The following RBM47 variants were observed in gnomAD, a reference collection of about 807,000 sequenced individuals.
RBM47 encodes RNA binding motif protein 47.
A neutral mutation model predicts 47.1 loss-of-function variants in RBM47; 21 were observed. That is an observed-to-expected ratio of 0.45 (90% CI 0.32 to 0.64). The LOEUF (loss-of-function observed/expected upper bound fraction) is 0.64, where lower values mean the gene tolerates loss of function less well. RBM47 is among the 30% of genes least tolerant of loss of function. RBM47 has a pLI of 0.05. For synonymous variants in RBM47, 375 were observed against 361.7 expected, an observed-to-expected ratio of 1.04 and a Z score of -0.42; for missense variants, 708 against 870.9, an observed-to-expected ratio of 0.81 and a Z score of 2.35.
At chr4:40,470,174 C>G (rs1252116853) in intron 2 of RBM47, among the ~76,000 whole-genome samples, 1 of 152,208 alleles carries the variant, frequency 6.6e-6, no homozygotes, top group East Asian at 1.9e-4. Flanking sequence ...TCTGGAGAAA[C>G]GGGGTGGTTT....
At chr4:40,469,836 T>C (rs997315454) in intron 2 of RBM47, among the ~76,000 whole-genome samples, 16 of 152,124 alleles carry the variant, frequency 1.1e-4, no homozygotes, top group Non-Finnish European at 1.8e-4. Context: ...GGTTTTGCCA[T>C]GTTGGCCAGG....
At chr4:40,590,169 T>C (rs1733995211) in intron 1 of RBM47, among the ~76,000 whole-genome samples, 1 of 152,198 alleles carries the variant, frequency 6.6e-6, no homozygotes, top group Non-Finnish European at 1.5e-5. Flanking sequence ...GATGGAAATC[T>C]AGACGTGTGC....
Position 40,438,408 on chromosome 4 carries a change from C to T in RBM47, c.486G>A (p.Lys162=), listed in dbSNP as rs371311873. The T allele has an allele frequency of 3.1e-6, 5 of 1,613,432 alleles. No homozygotes were observed. Among genetic ancestry groups the T allele is most frequent in the Non-Finnish European group, 3.4e-6 (4 of 1,180,006 alleles). ...RLFIGGIPKM[K]KREEILEEIA... is the part of the protein sequence containing the mutation. ...TCTCCTCCAGGATTTCCTCGCGCTT[C>T]TTCATCTTGGGGATCCCGCCGATGA... Residue 162 remains lysine (K), a synonymous_variant, in exon 4 of 7, where the codon AAG becomes AAA. Coordinates refer to ENST00000295971, the MANE Select transcript of RBM47 (RefSeq NM_001098634.2).
intron 2 of RBM47, among the ~76,000 whole-genome samples, chr4:40,540,660 TAATAA>T (rs1728441737): frequency 8.4e-6 from 1 of 119,522 alleles, no homozygotes; most frequent in Non-Finnish European, 1.6e-5. Flanking sequence ...AAAATAATAA[TAATAA>T]TAATAATAAT....
chr4:40,437,764 C>T lies in RBM47; in HGVS notation c.1123+7G>A. On this transcript the variant is annotated splice_region_variant and intron_variant, in intron 4 of 6. Transcript: ENST00000295971. Reference sequence around the variant, plus strand: ...GGGCCCCACCCAGGAGAAGAGCCCCCACTAACCTTTCACAAAGTAGTCCCT... The same window carrying T: ...GGGCCCCACCCAGGAGAAGAGCCCCTACTAACCTTTCACAAAGTAGTCCCT... The T allele has an allele frequency of 6.3e-7, 1 of 1,593,862 alleles. No individual in the cohort carries two copies. Among genetic ancestry groups the T allele is most frequent in the Non-Finnish European group, 8.6e-7 (1 of 1,164,368 alleles).
At chr4:40,437,073 C>CAAAAAAAAAAAAAAAAAAAAAAA (rs750922605) in intron 4 of RBM47, among the ~76,000 whole-genome samples, 2 of 21,288 alleles carry the variant, frequency 9.4e-5, no homozygotes, top group Admixed American at 5.6e-4. Context: ...GACCCTGTCT[C>CAAAAAAAAAAAAAAAAAAAAAAA]AAAAAAAAAA....
chr4:40,455,721 GTCTGAGCAACAGAGGGTA>G (rs1424589205), intron 3 of RBM47: 1 of 152,164 alleles, frequency 6.6e-6, no homozygotes, highest in African/African-American at 2.4e-5. Context: ...CTGCACTCCG[GTCTGAGCAACAGAGGGTA>G]ACCCTGCCTC....
In RBM47 at chr4:40,438,719, G is replaced by C. The variant is rs752448364; in HGVS notation, c.175C>G (p.Pro59Ala). The C allele has an allele frequency of 1.2e-6, 2 of 1,606,604 alleles. No homozygotes were observed. Among genetic ancestry groups the C allele is most frequent in the South Asian group, 1.1e-5 (1 of 90,670 alleles). The change falls in exon 4 of 7, where the codon CCG becomes GCG. Residue 59 changes from proline (P) to alanine (A), a missense_variant. Pro to Ala is a conservative substitution (Grantham distance 27, BLOSUM62 -1). Transcript: ENST00000295971. ...GGGTGCGGGCCCTCCCAGCCGGGCG[G>C]TGGGCCGCCGTACTTGCGCTGCCCG... ...ENGQRKYGGP[P>A]PGWEGPHPQR...
chr4:40,559,753 C>T (rs1730431558), intron 1 of RBM47, among the ~76,000 whole-genome samples: 1 of 152,024 alleles, frequency 6.6e-6, no homozygotes, highest in East Asian at 1.9e-4. Flanking sequence ...AAGTCAGGCC[C>T]TTTATTAGAG....
chr4:40,507,081 C>T (rs1724199233), intron 2 of RBM47, among the ~76,000 whole-genome samples: 2 of 152,044 alleles, frequency 1.3e-5, no homozygotes, highest in South Asian at 2.1e-4. Flanking sequence ...CTCAGCCTCC[C>T]GAGTAGCTGG....
intron 2 of RBM47, among the ~76,000 whole-genome samples, chr4:40,532,309 ATTT>A (rs34850081): frequency 0.024 from 1,592 of 65,674 alleles, 14 homozygotes; most frequent in African/African-American, 0.065. Flanking sequence ...CACGCCCGGC[ATTT>A]TTTTTTTTTT....
At chr4:40,521,970 G>A (rs1268505400) in intron 2 of RBM47, among the ~76,000 whole-genome samples, 1 of 152,130 alleles carries the variant, frequency 6.6e-6, no homozygotes, top group African/African-American at 2.4e-5. Context: ...TTTCTCATGA[G>A]ATCAGCTATG....
At chr4:40,499,870 G>A (rs1310342603) in intron 2 of RBM47, among the ~76,000 whole-genome samples, 4 of 152,124 alleles carry the variant, frequency 2.6e-5, no homozygotes, top group Non-Finnish European at 4.4e-5. Flanking sequence ...GCTTAATGCC[G>A]CTCTTTTGCA....
intron 2 of RBM47, among the ~76,000 whole-genome samples, chr4:40,469,739 A>G (rs529330762): frequency 9.9e-5 from 15 of 151,970 alleles, no homozygotes; most frequent in Non-Finnish European, 1.5e-4. Context: ...TTGAATAGCC[A>G]TGAAAGGCAC....
chr4:40,593,663 G>A (rs1158151514), intron 1 of RBM47, among the ~76,000 whole-genome samples: 1 of 151,974 alleles, frequency 6.6e-6, no homozygotes, highest in African/African-American at 2.4e-5. Flanking sequence ...GGTGGATCAC[G>A]AGGTCAGGAG....
intron 1 of RBM47, among the ~76,000 whole-genome samples, chr4:40,624,607 A>G (rs190501177): frequency 1.1e-4 from 16 of 152,316 alleles, no homozygotes; most frequent in Non-Finnish European, 2.2e-4. Context: ...AGTACATAAA[A>G]CAAAAACAAC....
At chr4:40,573,765 G>A (rs556672707) in intron 1 of RBM47, among the ~76,000 whole-genome samples, 23 of 139,624 alleles carry the variant, frequency 1.6e-4, no homozygotes, top group Non-Finnish European at 3.5e-4. Context: ...AAGAGAGAGA[G>A]AGAGAAAGAA....
chr4:40,611,884 T>G (rs1360961785), intron 1 of RBM47, among the ~76,000 whole-genome samples: 2 of 152,032 alleles, frequency 1.3e-5, no homozygotes. Flanking sequence ...ATATCATTGA[T>G]TATATATATA....
intron 1 of RBM47, among the ~76,000 whole-genome samples, chr4:40,564,034 A>G (rs1013650746): frequency 6.6e-6 from 1 of 152,212 alleles, no homozygotes; most frequent in African/African-American, 2.4e-5. Context: ...ACATAGCAAG[A>G]CACTATCTCT....
Sources: allele counts gnomAD v4.1 joint callset (sites outside exome capture counted in the v4.1 genomes callset), GRCh38; gene constraint gnomAD v4.1.1; transcripts MANE v1.5; gene names NCBI Gene and HGNC (gene_info 2026-07-23, HGNC 2026-07-21).